ESR1: variants seen among roughly 807,000 people sequenced by gnomAD.
ESR1 encodes estrogen receptor 1.
Under a neutral mutation model 52.7 loss-of-function variants are expected in ESR1, and 12 were observed. The ratio of observed to expected loss-of-function variants is 0.23; its 90% CI spans 0.15 to 0.37. The LOEUF (loss-of-function observed/expected upper bound fraction) is 0.37, where lower values mean the gene tolerates loss of function less well. ESR1 is among the 10% of genes least tolerant of loss of function. ESR1 has a pLI of 1.00. For synonymous variants in ESR1, 305 were observed against 316.8 expected (o/e 0.96, Z 0.39); for missense variants, 584 against 779.7 (o/e 0.75, Z 2.99).
intron 3 of ESR1, among the ~76,000 whole-genome samples, chr6:151,927,645 A>T (rs1300588961): frequency 1.3e-5 from 2 of 152,050 alleles, no homozygotes; most frequent in African/African-American, 4.8e-5. Context: ...ATATTCCTTT[A>T]TTATCCTTTT....
At chr6:151,908,802 C>T (rs2128427854) in intron 3 of ESR1, among the ~76,000 whole-genome samples, 1 of 151,286 alleles carries the variant, frequency 6.6e-6, no homozygotes, top group South Asian at 2.1e-4. Flanking sequence ...AAAACTTGTG[C>T]CCTATCCTTT....
chr6:151,693,527 G>A lies in ESR1; in HGVS notation c.-202+2863G>A, dbSNP rs552419943. 3.9e-5 allele frequency among the ~76,000 whole-genome samples: 6 copies of A among 152,324 alleles called. No homozygotes were observed. The East Asian group carries it at 5.8e-4, about 15-fold the overall frequency. On this transcript the variant is annotated intron_variant, in intron 1 of 2. Transcript: ENST00000404742. The stretch of plus-strand genomic sequence containing the variant: ...TTGCTGAGATGAGCGTGTCAAAAAC[G>A]TGTTACAAATGCTTCACATTCCCTT...
intron 2 of ESR1, among the ~76,000 whole-genome samples, chr6:151,744,329 T>C (rs1394452623): frequency 6.6e-6 from 1 of 152,216 alleles, no homozygotes; most frequent in African/African-American, 2.4e-5. Flanking sequence ...TGCACTATTT[T>C]ATATGCCTAC....
Position 151,786,321 on chromosome 6 carries a change from C to A in ESR1, c.-70-21522C>A, listed in dbSNP as rs1243320826. Among the ~76,000 whole-genome samples the A allele has an allele frequency of 6.6e-5, 10 of 152,302 alleles. No individual in the cohort carries two copies. In the East Asian group the frequency reaches 1.9e-3, roughly 29 times the overall value. On this transcript the variant is annotated intron_variant, in intron 2 of 2. Coordinates refer to the ESR1 transcript ENST00000404742. ...GCGAGCCTCCTGGCACCTCTACCCT[C>A]TAGCGAGAGGCTGCCTCTCCTGCCC...
intron 2 of ESR1, among the ~76,000 whole-genome samples, chr6:151,736,116 T>C (rs1427300967): frequency 6.6e-6 from 1 of 152,184 alleles, no homozygotes; most frequent in Non-Finnish European, 1.5e-5. Context: ...GAAAACAGAC[T>C]AGCATATAAT....
intron 3 of ESR1, among the ~76,000 whole-genome samples, chr6:151,926,931 T>C (rs2032850594): frequency 6.6e-6 from 1 of 152,184 alleles, no homozygotes; most frequent in South Asian, 2.1e-4. Context: ...TATCCTCATC[T>C]TCAGGGGAAA....
intron 3 of ESR1, among the ~76,000 whole-genome samples, chr6:151,893,366 G>C (rs1794980089): frequency 1.3e-5 from 2 of 151,996 alleles, no homozygotes; most frequent in Admixed American, 1.3e-4. Flanking sequence ...GAAAAGAAAT[G>C]TTCTGGTCAT....
At chr6:151,904,625 C>G (rs1463380052) in intron 3 of ESR1, among the ~76,000 whole-genome samples, 1 of 152,008 alleles carries the variant, frequency 6.6e-6, no homozygotes, top group African/African-American at 2.4e-5. Flanking sequence ...CATGCATATT[C>G]TTTCTCTCTC....
chr6:151,855,389 T>C (rs1787642170), intron 2 of ESR1, among the ~76,000 whole-genome samples: 1 of 152,142 alleles, frequency 6.6e-6, no homozygotes. Context: ...GCCAGCCCCA[T>C]TTTTGCTCTC....
chr6:152,066,822 C>T (rs1034385192), intron 6 of ESR1, among the ~76,000 whole-genome samples: 10 of 152,050 alleles, frequency 6.6e-5, no homozygotes, highest in East Asian at 1.9e-4. Context: ...ACTTCCTTGG[C>T]GGAAGGGGGA....
At chr6:151,701,529 C>CAAAAAAAAA (rs57589542) in intron 1 of ESR1, among the ~76,000 whole-genome samples, 2 of 89,394 alleles carry the variant, frequency 2.2e-5, no homozygotes, top group African/African-American at 9.4e-5. Context: ...CACTACATCT[C>CAAAAAAAAA]AAAAAAAAAA....
In ESR1 at chr6:151,853,868, C is replaced by T. The variant is rs930406577; in HGVS notation, c.643+11081C>T. On this transcript the variant is annotated intron_variant, in intron 2 of 7. Coordinates refer to ENST00000206249, the MANE Select transcript of ESR1 (RefSeq NM_000125.4). ...TTTGTGCCCACATATGGTTGTTAAG[C>T]TCATCAACAATTCCATTAGAAAGCT... 6.6e-5 allele frequency among the ~76,000 whole-genome samples: 10 copies of T among 152,134 alleles called. 1 individual carries two copies. Among genetic ancestry groups the T allele is most frequent in the Admixed American group, 5.2e-4 (8 of 15,264 alleles).
chr6:151,867,902 A>G (rs1248682223), intron 2 of ESR1, among the ~76,000 whole-genome samples: 1 of 152,222 alleles, frequency 6.6e-6, no homozygotes, highest in Non-Finnish European at 1.5e-5. Flanking sequence ...ACATTGATTC[A>G]GAAGCACCCA....
chr6:151,900,726 C>G (rs9383594), intron 3 of ESR1, among the ~76,000 whole-genome samples: 2,267 of 152,262 alleles, frequency 0.015, 52 homozygotes, highest in East Asian at 0.095. Flanking sequence ...TGGATCTAGC[C>G]ATTCAGCAGG....
intron 4 of ESR1, among the ~76,000 whole-genome samples, chr6:151,982,146 A>G (rs2040049375): frequency 6.6e-6 from 1 of 152,236 alleles, no homozygotes; most frequent in Non-Finnish European, 1.5e-5. Flanking sequence ...TGATTAAGGC[A>G]AGGGTCTGTG....
intron 2 of ESR1, among the ~76,000 whole-genome samples, chr6:151,849,781 T>C (rs1479158744): frequency 6.6e-6 from 1 of 151,252 alleles, no homozygotes; most frequent in Non-Finnish European, 1.5e-5. Flanking sequence ...TAAATGGTAG[T>C]TTGGAGGAAA....
intron 1 of ESR1, among the ~76,000 whole-genome samples, chr6:151,683,569 T>C (rs1022460305): frequency 3.9e-5 from 6 of 152,068 alleles, no homozygotes; most frequent in South Asian, 2.1e-4. Context: ...CTGCAATCCA[T>C]TGGTGGTAGG....
chr6:151,728,927 T>C (rs1782040278), intron 2 of ESR1, among the ~76,000 whole-genome samples: 2 of 152,232 alleles, frequency 1.3e-5, no homozygotes, highest in Non-Finnish European at 1.5e-5. Context: ...AAAATGCATG[T>C]AGATAAAACC....
intron 2 of ESR1, among the ~76,000 whole-genome samples, chr6:151,716,993 C>T (rs1781093970): frequency 6.6e-6 from 1 of 152,146 alleles, no homozygotes; most frequent in Non-Finnish European, 1.5e-5. Context: ...CTGGTCTGCA[C>T]CCAAGGGAAT....
Sources: gnomAD v4.1 joint callset for allele counts (sites outside exome capture counted in the v4.1 genomes callset) on GRCh38, gnomAD v4.1.1 for gene constraint, MANE v1.5 for transcripts, NCBI Gene and HGNC (gene_info 2026-07-23, HGNC 2026-07-21) for gene names.